ZFYVE1: variants seen among roughly 807,000 people sequenced by gnomAD.
The protein encoded by ZFYVE1 is zinc finger FYVE-type containing 1.
Under a neutral mutation model 74.4 loss-of-function variants are expected in ZFYVE1, and 30 were observed. The ratio of observed to expected loss-of-function variants is 0.40; its 90% confidence interval spans 0.30 to 0.55. ZFYVE1 has a LOEUF of 0.55. ZFYVE1 is among the 20% of genes least tolerant of loss of function. ZFYVE1 has a pLI of 0.42. For synonymous variants in ZFYVE1, 335 were observed against 385.1 expected, an observed-to-expected ratio of 0.87 and a Z score of 1.52; for missense variants, 703 against 1,011.6, an observed-to-expected ratio of 0.69 and a Z score of 4.14.
rs999690924 is a variant in ZFYVE1, at chr14:72,981,711, A to C, written c.1310+78T>G. On this transcript the variant is annotated intron_variant, in intron 5 of 11. Coordinates refer to ENST00000556143, the MANE Select transcript of ZFYVE1 (RefSeq NM_021260.4). ...AAGATCCCAGGGGATCTGCATCCAC[A>C]CCAAAGTCTAGGAAGCACCACTCAA... 2.2e-6 allele frequency: 3 copies of C among 1,368,918 alleles called. No homozygotes were observed. The Admixed American group carries it at 5.1e-5, about 23-fold the overall frequency. 84.8% of individuals were successfully genotyped at this position (1,368,918 alleles called of 1,614,324 possible). A position where few individuals can be genotyped will look rare whatever the true frequency, so the allele number is the denominator to read the frequency against.
At chr14:73,025,790 T>C (rs1293921593) in intron 1 of ZFYVE1, among the ~76,000 whole-genome samples, 1 of 151,964 alleles carries the variant, frequency 6.6e-6, no homozygotes, top group Non-Finnish European at 1.5e-5. Flanking sequence ...TTAAGAGACT[T>C]TGCTGCTCTA....
chr14:73,023,360 TATA>T (rs1567366973), intron 2 of ZFYVE1, among the ~76,000 whole-genome samples: 1 of 53,738 alleles, frequency 1.9e-5, no homozygotes, highest in African/African-American at 7.7e-5. Flanking sequence ...ATATATATTA[TATA>T]TGTTTTATAT....
In ZFYVE1 at chr14:72,979,832, A is replaced by G. The variant is rs377161096; in HGVS notation, c.1311-863T>C. ...AACGTTTACCCAGAACAGGCTGCCA[A>G]GATGCAAAATGAAAACCAACCCCAA... is the stretch of plus-strand genomic sequence containing the variant. On this transcript the variant is annotated intron_variant, in intron 5 of 11. Coordinates refer to ENST00000556143, the MANE Select transcript of ZFYVE1 (RefSeq NM_021260.4). Among the ~76,000 whole-genome samples the G allele has an allele frequency of 2.6e-5, 4 of 152,336 alleles. No homozygotes were observed. In the East Asian group the frequency reaches 7.7e-4, roughly 29 times the overall value.
intron 3 of ZFYVE1, 123 bp downstream of exon 3, chr14:72,997,688 A>G (rs1893778597): frequency 2.3e-6 from 3 of 1,295,662 alleles, no homozygotes; most frequent in East Asian, 2.4e-5. Context: ...AACACTTTCT[A>G]TGTCTTCTTT....
intron 2 of ZFYVE1, among the ~76,000 whole-genome samples, chr14:73,011,767 C>T (rs578163207): frequency 8.4e-4 from 127 of 150,660 alleles, no homozygotes; most frequent in African/African-American, 3.0e-3. Flanking sequence ...GGTGATCCAC[C>T]TGCCTCTGCC....
At chr14:72,995,098 A>G (rs916823307) in intron 3 of ZFYVE1, among the ~76,000 whole-genome samples, 1 of 152,038 alleles carries the variant, frequency 6.6e-6, no homozygotes, top group African/African-American at 2.4e-5. Flanking sequence ...TTACTTAATT[A>G]CTTACTTTTT....
intron 4 of ZFYVE1, chr14:72,987,055 C>T: frequency 2.8e-6 from 2 of 723,868 alleles, no homozygotes; most frequent in Non-Finnish European, 1.7e-6. Flanking sequence ...ACTTTAGTTG[C>T]CTTGACAACA....
At chr14:73,026,877 G>A (rs988563916) in intron 1 of ZFYVE1, 49 bp downstream of exon 1, 19 of 391,404 alleles carry the variant, frequency 4.9e-5, no homozygotes, top group African/African-American at 2.5e-4. Flanking sequence ...CCCGCGCTGG[G>A]CCGTGCCCTC....
At chr14:73,017,605 A>AC (rs1353324160) in intron 2 of ZFYVE1, among the ~76,000 whole-genome samples, 2 of 152,196 alleles carry the variant, frequency 1.3e-5, no homozygotes, top group Non-Finnish European at 2.9e-5. Context: ...CCAAATGCCT[A>AC]CAAGTCACCA....
chr14:73,025,915 G>T (rs1485594864), intron 1 of ZFYVE1, among the ~76,000 whole-genome samples: 2 of 151,990 alleles, frequency 1.3e-5, no homozygotes, highest in Non-Finnish European at 2.9e-5. Flanking sequence ...CCCACAATTG[G>T]GAGGAGTGGA....
intron 2 of ZFYVE1, among the ~76,000 whole-genome samples, chr14:73,019,097 A>C (rs1036324609): frequency 1.3e-5 from 2 of 152,242 alleles, no homozygotes; most frequent in South Asian, 2.1e-4. Flanking sequence ...CAAATTTACC[A>C]CTATAGTACA....
rs1173898302 is a variant in ZFYVE1 at position 72,970,856 on chromosome 14, T to G, written c.*26A>C. On this transcript the variant is annotated 3_prime_UTR_variant, in exon 12 of 12. Transcript: ENST00000556143. ...CTAACCCTGAGAACCTAAGGAATTG[T>G]GAAGGACTCGGAGAGGGGGCTGGGG... The G allele has an allele frequency of 4.3e-6, 7 of 1,610,518 alleles. No individual in the cohort carries two copies. Among genetic ancestry groups the G allele is most frequent in the Middle Eastern group, 3.4e-4 (2 of 5,948 alleles).
intron 11 of ZFYVE1, among the ~76,000 whole-genome samples, chr14:72,973,859 G>A (rs893807765): frequency 5.3e-5 from 8 of 152,282 alleles, no homozygotes; most frequent in East Asian, 3.9e-4. Context: ...AAGGTAGCTC[G>A]TTACACAGCA....
At chr14:73,025,647 G>A (rs373545524) in intron 1 of ZFYVE1, among the ~76,000 whole-genome samples, 76 of 133,676 alleles carry the variant, frequency 5.7e-4, no homozygotes, top group African/African-American at 2.1e-3. Context: ...AGTGAGCCAA[G>A]ATCTTGCCAC....
At chr14:73,016,961 ATGCTGAGTTCACC>A (rs139406145) in intron 2 of ZFYVE1, among the ~76,000 whole-genome samples, 1 of 152,306 alleles carries the variant, frequency 6.6e-6, no homozygotes, top group Non-Finnish European at 1.5e-5. Context: ...TCAAAAGAGA[ATGCTGAGTTCACC>A]AGCTAAATTA....
intron 2 of ZFYVE1, among the ~76,000 whole-genome samples, chr14:73,015,238 AAG>A (rs1894165967): frequency 4.8e-5 from 1 of 20,942 alleles, no homozygotes. Flanking sequence ...TGAAGGAAGG[AAG>A]GAAGGAAGGA....
chr14:73,026,881 T>C (rs1299128705), intron 1 of ZFYVE1, 45 bp downstream of exon 1: 2 of 225,490 alleles, frequency 8.9e-6, no homozygotes, highest in Non-Finnish European at 1.7e-5. Flanking sequence ...CGCTGGGCCG[T>C]GCCCTCCCCG....
At chr14:73,001,365 A>T (rs1893869583) in intron 2 of ZFYVE1, among the ~76,000 whole-genome samples, 1 of 152,204 alleles carries the variant, frequency 6.6e-6, no homozygotes, top group Non-Finnish European at 1.5e-5. Flanking sequence ...CCTAAAATCC[A>T]CAGTAGTCTT....
chr14:72,986,349 T>C (rs1893479452), intron 4 of ZFYVE1, among the ~76,000 whole-genome samples: 1 of 152,088 alleles, frequency 6.6e-6, no homozygotes. Context: ...ACTGACACTC[T>C]TGCATATGAG....
Sources: gnomAD v4.1 joint callset for allele counts (sites outside exome capture counted in the v4.1 genomes callset) on GRCh38, gnomAD v4.1.1 for gene constraint, MANE v1.5 for transcripts, NCBI Gene and HGNC (gene_info 2026-07-23, HGNC 2026-07-21) for gene names.